ERICH1: variants seen among roughly 807,000 people sequenced by gnomAD.
The protein encoded by ERICH1 is glutamate rich 1.
ERICH1 carries 56 observed loss-of-function variants against 39.6 expected under a neutral mutation model. The ratio of observed to expected loss-of-function variants is 1.41; its 90% confidence interval spans 1.14 to 1.77. The LOEUF (loss-of-function observed/expected upper bound fraction) is 1.77. Among genes scored for constraint, ERICH1 ranks in the 40% most tolerant of loss-of-function variants. ERICH1 has a pLI of 0.00. For missense variants in ERICH1, 826 were observed against 575.4 expected (o/e 1.44, Z -4.45); for synonymous variants, 313 against 223.6 (o/e 1.40, Z -3.57).
rs1211064003 is a variant in ERICH1, at chr8:716,006, C to T, written c.24G>A (p.Val8=). The T allele has an allele frequency of 5.0e-6, 8 of 1,601,888 alleles. No individual in the cohort carries two copies. Among genetic ancestry groups the T allele is most frequent in the African/African-American group, 4.1e-5 (3 of 74,056 alleles). Residue 8 remains valine (V), a splice_region_variant and synonymous_variant, in exon 2 of 6, where the codon GTG becomes GTA. Coordinates refer to ENST00000262109, the MANE Select transcript of ERICH1 (RefSeq NM_207332.3). Reference sequence around the variant, plus strand: ...GTCTCTGCAGCACCTTCTCCACAAACACTGTACAGACAACCGATTAAAAGA... The same window carrying T: ...GTCTCTGCAGCACCTTCTCCACAAATACTGTACAGACAACCGATTAAAAGA... MAAHRKH[V]FVEKVLQRLF...
chr8:713,299 C>T (rs74872267), intron 2 of ERICH1, among the ~76,000 whole-genome samples: 25 of 152,292 alleles, frequency 1.6e-4, no homozygotes, highest in East Asian at 7.7e-4. Flanking sequence ...AGGCGGGGAG[C>T]GCAATTCAGC....
chr8:616,542 A>G (rs1356770890), intron 3 of ERICH1: 1 of 455,946 alleles, frequency 2.2e-6, no homozygotes, highest in Non-Finnish European at 4.4e-6. Flanking sequence ...CACAACACGC[A>G]CATCTGGGAA....
chr8:720,840 G>A (rs1035650181), intron 1 of ERICH1, among the ~76,000 whole-genome samples: 3 of 152,186 alleles, frequency 2.0e-5, no homozygotes, highest in African/African-American at 7.2e-5. Flanking sequence ...ACACACTCCT[G>A]GAGGTCACCG....
At chr8:635,764 C>CGT (rs144042044) in intron 3 of ERICH1, among the ~76,000 whole-genome samples, 26 of 152,080 alleles carry the variant, frequency 1.7e-4, no homozygotes, top group East Asian at 5.8e-4. Context: ...GCTCCCCCAG[C>CGT]GTGTGTGTGT....
chr8:655,162 G>C (rs543162341), intron 3 of ERICH1, among the ~76,000 whole-genome samples: 1 of 152,336 alleles, frequency 6.6e-6, no homozygotes, highest in Non-Finnish European at 1.5e-5. Flanking sequence ...CAAGGGACTA[G>C]GAAGAGCAGC....
intron 3 of ERICH1, among the ~76,000 whole-genome samples, chr8:651,471 T>C (rs1247204367): frequency 6.6e-6 from 1 of 152,180 alleles, no homozygotes; most frequent in Non-Finnish European, 1.5e-5. Context: ...AGCAAGAAAG[T>C]GCCCTTGGCA....
At chr8:695,421 T>TA (rs1809928980) in intron 2 of ERICH1, among the ~76,000 whole-genome samples, 1 of 152,034 alleles carries the variant, frequency 6.6e-6, no homozygotes, top group South Asian at 2.1e-4. Flanking sequence ...CACAGATCCT[T>TA]ACGCCGCTCA....
chr8:721,182 T>G (rs1236544240), intron 1 of ERICH1, among the ~76,000 whole-genome samples: 2 of 152,240 alleles, frequency 1.3e-5, no homozygotes, highest in African/African-American at 4.8e-5. Flanking sequence ...TCCAGGTATC[T>G]AAAAATAACT....
Position 636,463 on chromosome 8 carries a change from T to G in ERICH1, c.977-21179A>C, listed in dbSNP as rs1474285570. ...CCCAAAGGAGACGGCCCAGAGTGCC[T>G]TCCTCTCCCGACTTTAGCTCAGAAT... is the stretch of plus-strand genomic sequence containing the variant. On this transcript the variant is annotated intron_variant, in intron 3 of 3. Coordinates refer to the ERICH1 transcript ENST00000522706. Among the ~76,000 whole-genome samples the G allele has an allele frequency of 2.6e-5, 4 of 152,366 alleles. No individual in the cohort carries two copies. The East Asian group carries it at 5.8e-4, about 22-fold the overall frequency.
intron 3 of ERICH1, among the ~76,000 whole-genome samples, chr8:688,192 G>C (rs528441828): frequency 2.0e-5 from 3 of 149,664 alleles, no homozygotes; most frequent in African/African-American, 7.5e-5. Context: ...CGCAGGACAC[G>C]GCAAGGCCCC....
chr8:677,432 G>A (rs1038625458), intron 3 of ERICH1, among the ~76,000 whole-genome samples: 2 of 152,178 alleles, frequency 1.3e-5, no homozygotes, highest in African/African-American at 2.4e-5. Context: ...AAGCAGCTCC[G>A]CACACAGTCC....
intron 3 of ERICH1, among the ~76,000 whole-genome samples, chr8:643,590 G>T (rs1799267482): frequency 6.6e-6 from 1 of 151,974 alleles, no homozygotes; most frequent in Admixed American, 6.6e-5. Context: ...CACCTTTGAA[G>T]AAAACCACAT....
chr8:698,103 C>T (rs1810786613), intron 2 of ERICH1, among the ~76,000 whole-genome samples: 1 of 152,226 alleles, frequency 6.6e-6, no homozygotes, highest in Non-Finnish European at 1.5e-5. Context: ...CCGCCTGCCC[C>T]CGTGCAGGGG....
intron 3 of ERICH1, among the ~76,000 whole-genome samples, chr8:640,075 C>T (rs1319102034): frequency 6.6e-6 from 1 of 152,120 alleles, no homozygotes; most frequent in Non-Finnish European, 1.5e-5. Flanking sequence ...AGCTGTCATC[C>T]CCACTTCACA....
downstream of ERICH1, among the ~76,000 whole-genome samples, chr8:660,650 G>C (rs553635987): frequency 5.8e-4 from 89 of 152,318 alleles, no homozygotes; most frequent in African/African-American, 2.1e-3. Context: ...TGCAGAAGAA[G>C]AAAATTAATT....
In ERICH1 at chr8:685,165, G is replaced by A. The variant is rs559685298; in HGVS notation, c.304+7313C>T. 1.8e-3 allele frequency among the ~76,000 whole-genome samples: 268 copies of A among 152,172 alleles called. 1 individual carries two copies. The highest frequency in any genetic ancestry group is 5.5e-3 in the African/African-American group (230 of 41,502). Reference sequence around the variant, plus strand: ...GCGGCCATTTTAGAGATCCCCCTCCGTCCCCCCAGGAATGCATTCTTTTTC... The same window carrying A: ...GCGGCCATTTTAGAGATCCCCCTCCATCCCCCCAGGAATGCATTCTTTTTC... On this transcript the variant is annotated intron_variant, in intron 3 of 5. Transcript: ENST00000262109.
chr8:706,964 A>AT lies in ERICH1; in HGVS notation c.169+8896dup, dbSNP rs769862443. ...GCAATACCCATCAAAATTTCAAATG[A>AT]TTTTTTTTTGCAGAAATTGACATGC... On this transcript the variant is annotated intron_variant, in intron 2 of 5. Transcript: ENST00000262109. Among the ~76,000 whole-genome samples the AT allele has an allele frequency of 3.2e-3, 492 of 151,474 alleles. 3 individuals are homozygous for AT. The highest frequency in any genetic ancestry group is 5.0e-3 in the Non-Finnish European group (337 of 67,838).
intron 1 of ERICH1, among the ~76,000 whole-genome samples, chr8:718,707 C>T (rs1362786656): frequency 2.0e-5 from 3 of 152,166 alleles, no homozygotes; most frequent in Admixed American, 6.5e-5. Context: ...AAGAGATTTA[C>T]GTGATCCCAG....
chr8:636,504 G>C (rs547991972), intron 3 of ERICH1, among the ~76,000 whole-genome samples: 43 of 152,358 alleles, frequency 2.8e-4, no homozygotes, highest in African/African-American at 1.0e-3. Flanking sequence ...CATCTGCCTG[G>C]GTTCTGCCCC....
Sources: gnomAD v4.1 joint callset for allele counts (sites outside exome capture counted in the v4.1 genomes callset) on GRCh38, gnomAD v4.1.1 for gene constraint, MANE v1.5 for transcripts, NCBI Gene and HGNC (gene_info 2026-07-23, HGNC 2026-07-21) for gene names.